The following BMAL2 variants were observed in gnomAD, a reference collection of about 807,000 sequenced individuals.
BMAL2 encodes basic helix-loop-helix ARNT like 2.
At chr12:27,379,917 A>T in the BMAL2 span, among the ~76,000 whole-genome samples, 1 of 152,168 alleles carries the variant, frequency 6.6e-6, no homozygotes, top group Non-Finnish European at 1.5e-5. Flanking sequence ...ATACCAGAGA[A>T]TAGTTAGCTT....
the BMAL2 span, chr12:27,385,431 T>A: frequency 8.2e-7 from 1 of 1,212,470 alleles, no homozygotes; most frequent in Non-Finnish European, 1.2e-6. Context: ...CATTAAGCAT[T>A]TTGCCCTCTC....
At chr12:27,376,687 G>T in the BMAL2 span, among the ~76,000 whole-genome samples, 1 of 152,062 alleles carries the variant, frequency 6.6e-6, no homozygotes, top group Non-Finnish European at 1.5e-5. Flanking sequence ...AGTTACTTAT[G>T]AGGGGCATCT....
the BMAL2 span, chr12:27,370,155 T>C: frequency 6.2e-7 from 1 of 1,614,006 alleles, no homozygotes; most frequent in Non-Finnish European, 8.5e-7. Flanking sequence ...GAAAAAGTGG[T>C]GGAAAAGCTT....
At chr12:27,358,872 CTG>C in the BMAL2 span, among the ~76,000 whole-genome samples, 1 of 151,904 alleles carries the variant, frequency 6.6e-6, no homozygotes, top group Admixed American at 6.6e-5. Context: ...TTTTTTATCT[CTG>C]TTGCGCAAAT....
At chr12:27,367,967 C>T in the BMAL2 span, among the ~76,000 whole-genome samples, 1 of 151,726 alleles carries the variant, frequency 6.6e-6, no homozygotes, top group Non-Finnish European at 1.5e-5. Flanking sequence ...GCCTCAGCCA[C>T]CCAAGTAGCT....
At chr12:27,397,094 G>T in the BMAL2 span, among the ~76,000 whole-genome samples, 1 of 151,718 alleles carries the variant, frequency 6.6e-6, no homozygotes, top group Non-Finnish European at 1.5e-5. Flanking sequence ...TTATTGAGAT[G>T]GAGTCTTGCT....
At chr12:27,424,782 GA>G in the BMAL2 span, 3 of 152,216 alleles carry the variant, frequency 2.0e-5, no homozygotes, top group Non-Finnish European at 4.4e-5. Context: ...AAGCCATAAA[GA>G]AAAGCTGCTA....
the BMAL2 span, chr12:27,390,196 T>C: frequency 5.6e-6 from 9 of 1,614,000 alleles, no homozygotes; most frequent in Non-Finnish European, 7.6e-6. Context: ...GTAAAATCTC[T>C]GTCAAAGAAG....
At chr12:27,333,012 GC>G in the BMAL2 span, 2 of 1,159,216 alleles carry the variant, frequency 1.7e-6, no homozygotes, top group South Asian at 4.3e-5. Flanking sequence ...GGCAGGGCGG[GC>G]CCGGGGCTCC....
chr12:27,350,126 T>G, the BMAL2 span, among the ~76,000 whole-genome samples: 1 of 152,234 alleles, frequency 6.6e-6, no homozygotes, highest in Non-Finnish European at 1.5e-5. Context: ...AGCAGGTGAC[T>G]TTAGCAGACT....
At chr12:27,375,808 G>C in the BMAL2 span, among the ~76,000 whole-genome samples, 5 of 152,294 alleles carry the variant, frequency 3.3e-5, no homozygotes, top group East Asian at 9.6e-4. Flanking sequence ...GTACATTTCT[G>C]ATGCTAGGAA....
the BMAL2 span, chr12:27,423,340 T>C: frequency 7.1e-6 from 1 of 140,992 alleles, no homozygotes; most frequent in African/African-American, 2.7e-5. Flanking sequence ...TTTTTTTTTT[T>C]TTTTTTTGAG....
At chr12:27,361,937 C>G in the BMAL2 span, among the ~76,000 whole-genome samples, 3 of 151,870 alleles carry the variant, frequency 2.0e-5, no homozygotes, top group Non-Finnish European at 4.4e-5. Flanking sequence ...ATTCTGCCTG[C>G]CTAAAGATAA....
chr12:27,370,372 T>C, the BMAL2 span: 1 of 615,086 alleles, frequency 1.6e-6, no homozygotes. Flanking sequence ...CCTTCCTTTA[T>C]CCTACCAGAT....
At chr12:27,373,510 C>T in the BMAL2 span, among the ~76,000 whole-genome samples, 2 of 152,126 alleles carry the variant, frequency 1.3e-5, no homozygotes, top group African/African-American at 2.4e-5. Context: ...GGTGCCATCA[C>T]TGGGAGAAGC....
At chr12:27,376,505 CTT>C in the BMAL2 span, 3 of 799,642 alleles carry the variant, frequency 3.8e-6, no homozygotes, top group African/African-American at 1.8e-5. Flanking sequence ...GCTTTTCTCT[CTT>C]GTTATGCTCT....
At chr12:27,401,163 A>C in the BMAL2 span, 3,658 of 980,138 alleles carry the variant, frequency 3.7e-3, 11 homozygotes, top group Non-Finnish European at 4.8e-3. Context: ...TACCCTGTGC[A>C]CTTCTTTACG....
chr12:27,332,954 G>C, the BMAL2 span: 1 of 795,860 alleles, frequency 1.3e-6, no homozygotes, highest in East Asian at 4.9e-5. Flanking sequence ...CACCCGGCAG[G>C]GCCCGCCAGT....
the BMAL2 span, among the ~76,000 whole-genome samples, chr12:27,373,663 C>T: frequency 2.0e-5 from 3 of 152,076 alleles, no homozygotes; most frequent in Non-Finnish European, 2.9e-5. Flanking sequence ...AAAGGAAGCA[C>T]GTTCCAAAAA....
Sources: allele counts gnomAD v4.1 joint callset (sites outside exome capture counted in the v4.1 genomes callset), GRCh38; gene constraint gnomAD v4.1.1; transcripts MANE v1.5; gene names NCBI Gene and HGNC (gene_info 2026-07-23, HGNC 2026-07-21).